ARHGAP22: variants seen among roughly 807,000 people sequenced by gnomAD.
ARHGAP22 encodes rho GTPase-activating protein 22.
ARHGAP22 carries 48 observed loss-of-function variants against 59.1 expected under a neutral mutation model. That is an observed-to-expected ratio of 0.81 (90% CI 0.64 to 1.03). ARHGAP22 has a LOEUF of 1.03. Among genes scored for constraint, ARHGAP22 ranks in the 50% least tolerant of loss-of-function variants. The pLI, the probability that ARHGAP22 is intolerant of heterozygous loss-of-function variation, is 0.00. For missense variants in ARHGAP22, 1,015 were observed against 958.7 expected, an observed-to-expected ratio of 1.06 and a Z score of -0.78; for synonymous variants, 445 against 416.4, an observed-to-expected ratio of 1.07 and a Z score of -0.84.
intron 3 of ARHGAP22, among the ~76,000 whole-genome samples, chr10:48,527,405 A>G (rs1398728709): frequency 6.7e-6 from 1 of 149,832 alleles, no homozygotes; most frequent in South Asian, 2.1e-4. Flanking sequence ...GTGTGGATAG[A>G]TGAATAGATG....
intron 2 of ARHGAP22, among the ~76,000 whole-genome samples, chr10:48,568,020 C>CG (rs2058156897): frequency 6.6e-6 from 1 of 152,068 alleles, no homozygotes; most frequent in Non-Finnish European, 1.5e-5. Context: ...CTGGTAAATC[C>CG]ATTTAACTAA....
intron 3 of ARHGAP22, among the ~76,000 whole-genome samples, chr10:48,497,816 C>T (rs1335830155): frequency 6.6e-6 from 1 of 152,204 alleles, no homozygotes; most frequent in Non-Finnish European, 1.5e-5. Context: ...TCTCACTCTG[C>T]TCCATCCCCC....
chr10:48,621,091 T>G (rs544508951), intron 1 of ARHGAP22, among the ~76,000 whole-genome samples: 2 of 152,384 alleles, frequency 1.3e-5, no homozygotes, highest in East Asian at 3.9e-4. Context: ...AATACATGAT[T>G]GCCTTTGCAT....
chr10:48,584,921 G>A (rs1245211741), intron 1 of ARHGAP22, among the ~76,000 whole-genome samples: 1 of 151,970 alleles, frequency 6.6e-6, no homozygotes, highest in East Asian at 1.9e-4. Context: ...CTGAATCCGG[G>A]AGGCGGAGCT....
At chr10:48,641,301 C>G (rs187692302) in intron 1 of ARHGAP22, among the ~76,000 whole-genome samples, 16 of 152,218 alleles carry the variant, frequency 1.1e-4, no homozygotes, top group African/African-American at 3.9e-4. Flanking sequence ...TACAAAGACT[C>G]TCCATAAAAT....
chr10:48,517,073 C>T (rs2053356913), intron 3 of ARHGAP22, among the ~76,000 whole-genome samples: 1 of 151,982 alleles, frequency 6.6e-6, no homozygotes, highest in Admixed American at 6.6e-5. Flanking sequence ...CGAGGGGACA[C>T]GGGGAGGGTT....
chr10:48,493,761 TC>T (rs1432229457), intron 3 of ARHGAP22: 21 of 888,672 alleles, frequency 2.4e-5, no homozygotes, highest in Non-Finnish European at 2.8e-5. Context: ...GCGTGGTTGT[TC>T]TGCATCCGCA....
At chr10:48,610,788 C>T (rs1337106546) in intron 1 of ARHGAP22, among the ~76,000 whole-genome samples, 1 of 152,128 alleles carries the variant, frequency 6.6e-6, no homozygotes, top group Non-Finnish European at 1.5e-5. Context: ...GCAGAGGTGG[C>T]CAGGACTTGT....
intron 3 of ARHGAP22, among the ~76,000 whole-genome samples, chr10:48,501,974 G>A (rs1002180522): frequency 1.3e-5 from 2 of 152,160 alleles, no homozygotes; most frequent in Non-Finnish European, 2.9e-5. Context: ...TGCTGGCATT[G>A]GATTCTCACA....
the ARHGAP22 span, among the ~76,000 whole-genome samples, chr10:48,433,181 A>C: frequency 2.1e-4 from 32 of 152,322 alleles, 1 homozygote; most frequent in South Asian, 6.4e-3. Context: ...TATTGCTTTA[A>C]AGAGAAAACA....
intron 3 of ARHGAP22, among the ~76,000 whole-genome samples, chr10:48,519,720 G>C (rs1391899693): frequency 6.6e-6 from 1 of 152,258 alleles, no homozygotes; most frequent in African/African-American, 2.4e-5. Flanking sequence ...ACCTGCCCAG[G>C]CTCGACTGCC....
At chr10:48,637,167 C>T (rs1376232846) in intron 1 of ARHGAP22, among the ~76,000 whole-genome samples, 1 of 152,190 alleles carries the variant, frequency 6.6e-6, no homozygotes, top group Non-Finnish European at 1.5e-5. Flanking sequence ...CTGCCCTGGG[C>T]ATCCATATTT....
intron 4 of ARHGAP22, among the ~76,000 whole-genome samples, chr10:48,466,012 C>T (rs2047628146): frequency 6.6e-6 from 1 of 152,160 alleles, no homozygotes; most frequent in African/African-American, 2.4e-5. Context: ...GATCCACCAG[C>T]CAGCCGGCAC....
At chr10:48,617,171 G>T (rs751323557) in intron 1 of ARHGAP22, among the ~76,000 whole-genome samples, 3 of 151,896 alleles carry the variant, frequency 2.0e-5, no homozygotes, top group Non-Finnish European at 2.9e-5. Flanking sequence ...GATCCCCTAT[G>T]CACTCAACAC....
chr10:48,558,487 A>G (rs1050168787), intron 2 of ARHGAP22, among the ~76,000 whole-genome samples: 3 of 151,602 alleles, frequency 2.0e-5, no homozygotes, highest in Admixed American at 2.0e-4. Flanking sequence ...CTCGACCTCT[A>G]TTTGGGACCA....
intron 1 of ARHGAP22, among the ~76,000 whole-genome samples, chr10:48,636,988 C>A (rs2061845067): frequency 6.6e-6 from 1 of 152,202 alleles, no homozygotes; most frequent in Non-Finnish European, 1.5e-5. Context: ...ATGGCCAGGA[C>A]TTTAGCTTCA....
chr10:48,507,014 C>G (rs921121702), intron 3 of ARHGAP22, among the ~76,000 whole-genome samples: 1 of 152,216 alleles, frequency 6.6e-6, no homozygotes, highest in Admixed American at 6.5e-5. Flanking sequence ...CCACGCCCCC[C>G]ACCAGTACCC....
chr10:48,489,099 T>C (rs1012695070), intron 3 of ARHGAP22, among the ~76,000 whole-genome samples: 2 of 152,248 alleles, frequency 1.3e-5, no homozygotes, highest in Admixed American at 1.3e-4. Flanking sequence ...TTCTTTTTTC[T>C]TTCTTTTCTT....
chr10:48,555,584 T>A (rs1225940593), intron 2 of ARHGAP22, 34 bp from the exon 3 acceptor site: 8 of 1,598,936 alleles, frequency 5.0e-6, no homozygotes, highest in East Asian at 2.2e-5. Flanking sequence ...ACAGGGAGCA[T>A]GAGATGATGG....
Sources: allele counts gnomAD v4.1 joint callset (sites outside exome capture counted in the v4.1 genomes callset), GRCh38; gene constraint gnomAD v4.1.1; transcripts MANE v1.5; gene names NCBI Gene and HGNC (gene_info 2026-07-23, HGNC 2026-07-21).